The following IFI27 variants were observed in gnomAD, a reference collection of about 807,000 sequenced individuals.
IFI27 encodes interferon alpha inducible protein 27, also known as interferon alpha-inducible protein 27, mitochondrial.
In IFI27, 3 loss-of-function variants were observed where a neutral mutation model predicts 8.9. The observed-to-expected ratio is 0.34, with a 90% CI of 0.15 to 0.87. The LOEUF (loss-of-function observed/expected upper bound fraction) is 0.87, where lower values mean the gene tolerates loss of function less well. Among genes scored for constraint, IFI27 ranks in the 40% least tolerant of loss-of-function variants. The pLI, the probability that IFI27 is intolerant of heterozygous loss-of-function variation, is 0.51. For missense variants in IFI27, 152 were observed against 157.7 expected (o/e 0.96, Z 0.19); for synonymous variants, 66 against 67.3 (o/e 0.98, Z 0.09).
At chr14:94,112,002 C>T (rs1385516021) in intron 2 of IFI27, 2 of 597,518 alleles carry the variant, frequency 3.3e-6, no homozygotes, top group Non-Finnish European at 6.0e-6. Context: ...GGTCCTCTCC[C>T]CTCTGGGCCC....
upstream of IFI27, among the ~76,000 whole-genome samples, chr14:94,108,762 AAAAG>A (rs1275080174): frequency 6.6e-6 from 1 of 152,160 alleles, no homozygotes; most frequent in Non-Finnish European, 1.5e-5. Context: ...TAAAAAAAAA[AAAAG>A]AGAGAGAGGG....
intron 2 of IFI27, chr14:94,113,508 A>G (rs1374835226): frequency 6.6e-6 from 1 of 152,236 alleles, no homozygotes; most frequent in African/African-American, 2.4e-5. Context: ...GTCTCAAAAA[A>G]AAAGAAAGAA....
intron 3 of IFI27, 153 bp from the exon 4 acceptor site, chr14:94,115,628 C>T: frequency 1.3e-6 from 1 of 748,740 alleles, no homozygotes; most frequent in Non-Finnish European, 2.1e-6. Flanking sequence ...CTGTGCTCCC[C>T]TTGATTCGTG....
At chr14:94,112,108 T>TCCTTTAGGAGTTTACCTTGTCAATA (rs1345619286) in intron 2 of IFI27, 1 of 418,624 alleles carries the variant, frequency 2.4e-6, no homozygotes, top group African/African-American at 2.0e-5. Flanking sequence ...AGAATTCATC[T>TCCTTTAGGAGTTTACCTTGTCAATA]CCTTTAGGAG....
chr14:94,106,727 C>T (rs1282087543), upstream of IFI27, among the ~76,000 whole-genome samples: 1 of 152,168 alleles, frequency 6.6e-6, no homozygotes, highest in East Asian at 1.9e-4. Flanking sequence ...CTGGTATCTG[C>T]TCGGCTTCTG....
intron 3 of IFI27, among the ~76,000 whole-genome samples, chr14:94,115,149 T>G (rs966743036): frequency 1.3e-5 from 2 of 152,196 alleles, no homozygotes; most frequent in Admixed American, 6.5e-5. Flanking sequence ...ACATTCACCA[T>G]GTGACCCTGA....
At chr14:94,115,653 C>T in intron 3 of IFI27, 128 bp from the exon 4 acceptor site, 1 of 953,030 alleles carries the variant, frequency 1.0e-6, no homozygotes, top group Non-Finnish European at 1.5e-6. Flanking sequence ...TTGGCCGTGC[C>T]CATAGTCTCT....
chr14:94,112,462 G>A (rs1457877437), intron 2 of IFI27, among the ~76,000 whole-genome samples: 2 of 152,212 alleles, frequency 1.3e-5, no homozygotes, highest in South Asian at 2.1e-4. Flanking sequence ...AGTGTCATTC[G>A]ATGAGCATCT....
intron 2 of IFI27, chr14:94,112,951 TC>T (rs1179741009): frequency 6.6e-6 from 1 of 152,238 alleles, no homozygotes; most frequent in Non-Finnish European, 1.5e-5. Flanking sequence ...CAGTTTAAGA[TC>T]AAGCAATTCA....
chr14:94,114,961 C>A, intron 3 of IFI27, 81 bp downstream of exon 3: 7 of 1,274,276 alleles, frequency 5.5e-6, no homozygotes, highest in Non-Finnish European at 8.0e-6. Context: ...TTGTCCATGC[C>A]AATGTTTCCC....
chr14:94,114,817 G>A (rs1459937596), intron 2 of IFI27, 34 bp from the exon 3 acceptor site: 4 of 1,612,012 alleles, frequency 2.5e-6, no homozygotes. Context: ...AAGCCAGTGT[G>A]GATCTACTCA....
chr14:94,106,508 A>G (rs1010003638), upstream of IFI27, among the ~76,000 whole-genome samples: 1 of 152,086 alleles, frequency 6.6e-6, no homozygotes, highest in Admixed American at 6.5e-5. Flanking sequence ...AGCCATCCTA[A>G]TGGTTGTGAG....
At chr14:94,112,719 C>T (rs1289599548) in intron 2 of IFI27, 1 of 152,712 alleles carries the variant, frequency 6.5e-6, no homozygotes, top group Non-Finnish European at 1.5e-5. Flanking sequence ...CCCTGAGCCC[C>T]AACATCTCTC....
rs1887406414 is a variant in IFI27 at position 94,116,276 on chromosome 14, C to A, written c.284-166C>A. ...GGTTCATGCCTGCAGCAGCCTCTCCCCAAACAAAGACCCCGAGGGTACTGG... is the reference window on the plus strand; with the variant it reads ...GGTTCATGCCTGCAGCAGCCTCTCCACAAACAAAGACCCCGAGGGTACTGG... On this transcript the variant is annotated intron_variant, in intron 4 of 4. Coordinates refer to ENST00000621160, the Ensembl canonical transcript of IFI27. This position sits in a 1 kb window ranked among gnomAD's most constrained non-coding sequence, Gnocchi z 4.3. 10 of 648,852 alleles carry A rather than the reference C, an allele frequency of 1.5e-5. No homozygotes were observed. Among genetic ancestry groups the A allele is most frequent in the Non-Finnish European group, 2.8e-5 (10 of 362,382 alleles). 40.2% of individuals were successfully genotyped at this position (648,852 alleles called of 1,614,324 possible). A position where few individuals can be genotyped will look rare whatever the true frequency, so the allele number is the denominator to read the frequency against.
In IFI27 at chr14:94,111,858, G is replaced by A. The variant is rs1595407543; in HGVS notation, c.91+85G>A. The A allele has an allele frequency of 9.9e-7, 1 of 1,007,632 alleles. No homozygotes were observed. Among genetic ancestry groups the A allele is most frequent in the East Asian group, 2.4e-5 (1 of 41,932 alleles). The allele number at this position is 1,007,632 out of a possible 1,614,324, so 62.4% of individuals were successfully genotyped here. A position where few individuals can be genotyped will look rare whatever the true frequency, so the allele number is the denominator to read the frequency against. On this transcript the variant is annotated intron_variant, in intron 2 of 4. Coordinates refer to ENST00000621160, the Ensembl canonical transcript of IFI27. The surrounding 1 kb of genome is among the most constrained non-coding windows in gnomAD (Gnocchi z 4.3). ...GTCCTGTCCCGGGACCCGTGGGAGA[G>A]AAAATGGGGGACACCCGCAGCCTTG...
rs748328072 is a variant in IFI27, at chr14:94,111,705, C to A, written c.23C>A (p.Ser8Ter). The A allele has an allele frequency of 8.1e-6, 13 of 1,614,074 alleles. No individual in the cohort carries two copies. Among genetic ancestry groups the A allele is most frequent in the African/African-American group, 1.3e-5 (1 of 74,948 alleles). The change falls in exon 2 of 5, where the codon TCA (serine) becomes TAA (stop). Residue 8 changes from serine (S) to a stop codon, truncating the protein, a stop_gained. Transcript: ENST00000621160. LOFTEE classifies it high-confidence loss of function. The surrounding 1 kb of genome is among the most constrained non-coding windows in gnomAD (Gnocchi z 4.3). ...GGCATGGAGGCCTCTGCTCTCACCT[C>A]ATCAGCAGTGACCAGTGTGGCCAAA...
At chr14:94,109,026 G>A (rs1428401219), upstream of IFI27, among the ~76,000 whole-genome samples, 1 of 152,186 alleles carries the variant, frequency 6.6e-6, no homozygotes, top group Admixed American at 6.5e-5. Context: ...ACAGCCGAAA[G>A]CTCACACCTG....
At chr14:94,114,903 C>T in intron 3 of IFI27, 23 bp downstream of exon 3, 1 of 1,611,452 alleles carries the variant, frequency 6.2e-7, no homozygotes, top group South Asian at 1.1e-5. Context: ...GGAAGGGGCT[C>T]AAGTAACCAC....
chr14:94,116,277 C>A lies in IFI27; in HGVS notation c.284-165C>A. The A allele has an allele frequency of 7.7e-6, 5 of 649,310 alleles. No homozygotes were observed. The highest frequency in any genetic ancestry group is 7.1e-5 in the South Asian group (4 of 56,018). The allele number at this position is 649,310 out of a possible 1,614,324, so 40.2% of individuals were successfully genotyped here. A position where few individuals can be genotyped will look rare whatever the true frequency, so the allele number is the denominator to read the frequency against. On this transcript the variant is annotated intron_variant, in intron 4 of 4. Transcript: ENST00000621160. This position sits in a 1 kb window ranked among gnomAD's most constrained non-coding sequence, Gnocchi z 4.3. ...GTTCATGCCTGCAGCAGCCTCTCCC[C>A]AAACAAAGACCCCGAGGGTACTGGG...
Sources: allele counts gnomAD v4.1 joint callset (sites outside exome capture counted in the v4.1 genomes callset), GRCh38; gene constraint gnomAD v4.1.1; non-coding constraint Gnocchi (gnomAD v3.1); transcripts MANE v1.5; gene names NCBI Gene and HGNC (gene_info 2026-07-23, HGNC 2026-07-21).